KCND2: variants seen among roughly 807,000 people sequenced by gnomAD.
KCND2 encodes the protein A-type voltage-gated potassium channel KCND2.
KCND2 carries 16 observed loss-of-function variants against 54.4 expected under a neutral mutation model. The ratio of observed to expected loss-of-function variants is 0.29; its 90% CI spans 0.20 to 0.45. KCND2 has a LOEUF of 0.45. KCND2 is among the 20% of genes least tolerant of loss of function. The pLI is 1.00. For synonymous variants in KCND2, 317 were observed against 310.7 expected (o/e 1.02, Z -0.21); for missense variants, 486 against 824.2 (o/e 0.59, Z 5.02).
chr7:120,367,007 G>A (rs1180639011), intron 1 of KCND2, among the ~76,000 whole-genome samples: 3 of 152,030 alleles, frequency 2.0e-5, no homozygotes. Flanking sequence ...TAAAAATTTG[G>A]TGTGTAACCA....
chr7:120,408,537 A>G (rs1373025683), intron 1 of KCND2, among the ~76,000 whole-genome samples: 4 of 151,954 alleles, frequency 2.6e-5, no homozygotes, highest in African/African-American at 9.7e-5. Context: ...TCTGAGAAAA[A>G]GAAATACACA....
chr7:120,416,080 T>A (rs1157022998), intron 1 of KCND2, among the ~76,000 whole-genome samples: 3 of 152,192 alleles, frequency 2.0e-5, no homozygotes, highest in East Asian at 1.9e-4. Flanking sequence ...CTATCTTCTC[T>A]TGCCAACATT....
At chr7:120,632,863 C>T (rs1793255108) in intron 1 of KCND2, among the ~76,000 whole-genome samples, 1 of 152,218 alleles carries the variant, frequency 6.6e-6, no homozygotes. Context: ...GACAAGCCAA[C>T]ATCTACCTCA....
chr7:120,632,519 T>G (rs1793245737), intron 1 of KCND2, among the ~76,000 whole-genome samples: 1 of 152,190 alleles, frequency 6.6e-6, no homozygotes, highest in South Asian at 2.1e-4. Context: ...GAAAGTATCT[T>G]TTACTACTGA....
rs562982111 is a variant in KCND2, at chr7:120,543,336, T to C, written c.1116-189567T>C. Among the ~76,000 whole-genome samples the C allele has an allele frequency of 3.9e-5, 6 of 152,110 alleles. No homozygotes were observed. The South Asian group carries it at 1.2e-3, about 32-fold the overall frequency. Reference sequence around the variant, plus strand: ...GCAGAGCATGCCTGTTTTTGTCTTCTTTGGTTATCCTCTTACTGCGTGTCG... The same window carrying C: ...GCAGAGCATGCCTGTTTTTGTCTTCCTTGGTTATCCTCTTACTGCGTGTCG... On this transcript the variant is annotated intron_variant, in intron 1 of 5. Coordinates refer to ENST00000331113, the MANE Select transcript of KCND2 (RefSeq NM_012281.3).
chr7:120,443,457 T>A (rs1251443576), intron 1 of KCND2, among the ~76,000 whole-genome samples: 1 of 151,752 alleles, frequency 6.6e-6, no homozygotes, highest in Non-Finnish European at 1.5e-5. Context: ...CATGGAGACA[T>A]TGACATTATC....
chr7:120,688,541 G>T (rs954636463), intron 1 of KCND2, among the ~76,000 whole-genome samples: 2 of 152,152 alleles, frequency 1.3e-5, no homozygotes, highest in East Asian at 3.9e-4. Context: ...AGGCCCTGGA[G>T]ACCTGACATC....
At chr7:120,300,413 G>A (rs1260754103) in intron 1 of KCND2, among the ~76,000 whole-genome samples, 1 of 152,052 alleles carries the variant, frequency 6.6e-6, no homozygotes, top group Admixed American at 6.6e-5. Flanking sequence ...TTTGCATTCT[G>A]ATTGCTGTCT....
chr7:120,287,160 G>C (rs1442412580), intron 1 of KCND2, among the ~76,000 whole-genome samples: 1 of 151,972 alleles, frequency 6.6e-6, no homozygotes, highest in Non-Finnish European at 1.5e-5. Context: ...AAAATATTTA[G>C]AAATATTTTT....
chr7:120,634,241 C>G (rs974345071), intron 1 of KCND2, among the ~76,000 whole-genome samples: 2 of 152,014 alleles, frequency 1.3e-5, no homozygotes, highest in Non-Finnish European at 2.9e-5. Flanking sequence ...ATGTATTGAA[C>G]AATAATACTT....
At chr7:120,484,594 A>G (rs926321884) in intron 1 of KCND2, among the ~76,000 whole-genome samples, 3 of 151,680 alleles carry the variant, frequency 2.0e-5, no homozygotes, top group Non-Finnish European at 4.4e-5. Flanking sequence ...TACTAAAAGT[A>G]AAGCTACCAA....
At chr7:120,419,374 A>G (rs1801575392) in intron 1 of KCND2, among the ~76,000 whole-genome samples, 1 of 152,214 alleles carries the variant, frequency 6.6e-6, no homozygotes, top group Non-Finnish European at 1.5e-5. Context: ...TGGTCAAAGA[A>G]AAGAAAATCC....
At position 120,311,602 on chromosome 7, in the gene KCND2, C is replaced by T. The variant is rs570582814; in HGVS notation, c.1115+35855C>T. The stretch of plus-strand genomic sequence containing the variant: ...AACTTCTATTTTAAGTTCAGGGGTA[C>T]GTGTGCTGGTTTGTTACATAGGTAT... On this transcript the variant is annotated intron_variant, in intron 1 of 5. Transcript: ENST00000331113. Among the ~76,000 whole-genome samples, 15 of 152,192 alleles carry T rather than the reference C, an allele frequency of 9.9e-5. No individual in the cohort carries two copies. The South Asian group carries it at 1.0e-3, about 11-fold the overall frequency.
chr7:120,274,644 G>T lies in KCND2; in HGVS notation c.12G>T (p.Gly4=), dbSNP rs774091054. The T allele has an allele frequency of 1.2e-6, 2 of 1,614,076 alleles. No individual in the cohort carries two copies. Among genetic ancestry groups the T allele is most frequent in the Non-Finnish European group, 1.7e-6 (2 of 1,180,024 alleles). MAA[G]VAAWLPFARA... ...CGCTTCAAGTAATCATGGCGGCGGG[G>T]GTGGCAGCGTGGCTGCCTTTTGCAA... The change falls in exon 1 of 6, where the codon GGG becomes GGT. Residue 4 remains glycine, a synonymous_variant. Coordinates refer to ENST00000331113, the MANE Select transcript of KCND2 (RefSeq NM_012281.3).
chr7:120,488,685 C>T (rs191512835), intron 1 of KCND2, among the ~76,000 whole-genome samples: 1 of 152,102 alleles, frequency 6.6e-6, no homozygotes, highest in East Asian at 1.9e-4. Context: ...ATTCTGTGTC[C>T]CCCTTTATTA....
intron 1 of KCND2, among the ~76,000 whole-genome samples, chr7:120,524,865 G>A (rs888096969): frequency 6.6e-6 from 1 of 152,106 alleles, no homozygotes; most frequent in Non-Finnish European, 1.5e-5. Context: ...CTGCTTTCTT[G>A]GGAATGTGTT....
chr7:120,302,819 A>G (rs965196153), intron 1 of KCND2, among the ~76,000 whole-genome samples: 2 of 152,158 alleles, frequency 1.3e-5, no homozygotes. Flanking sequence ...CTTAGGACCA[A>G]AGCCAGATTT....
intron 1 of KCND2, among the ~76,000 whole-genome samples, chr7:120,597,248 G>C (rs959982638): frequency 1.3e-5 from 2 of 152,084 alleles, no homozygotes; most frequent in Non-Finnish European, 2.9e-5. Flanking sequence ...TGGATGTAGA[G>C]GAAGCAAAGA....
intron 1 of KCND2, among the ~76,000 whole-genome samples, chr7:120,436,745 GTCC>G (rs1426580718): frequency 6.6e-6 from 1 of 152,020 alleles, no homozygotes; most frequent in African/African-American, 2.4e-5. Flanking sequence ...CAGCCTCCTT[GTCC>G]TCATTCCAAG....
Sources: gnomAD v4.1 joint callset for allele counts (sites outside exome capture counted in the v4.1 genomes callset) on GRCh38, gnomAD v4.1.1 for gene constraint, MANE v1.5 for transcripts, NCBI Gene and HGNC (gene_info 2026-07-23, HGNC 2026-07-21) for gene names.